The following SLC36A1 variants were observed in gnomAD, a reference collection of about 807,000 sequenced individuals.
SLC36A1 encodes the protein solute carrier family 36 member 1, also known as proton-coupled amino acid transporter 1.
SLC36A1 carries 30 observed loss-of-function variants against 47.5 expected under a neutral mutation model. The observed-to-expected ratio is 0.63, with a 90% CI of 0.47 to 0.86. The LOEUF is 0.86. Ranked by LOEUF, SLC36A1 falls within the 40% of genes least tolerant of loss-of-function variation. The probability of loss-of-function intolerance (pLI) is 0.00; values close to 1 mark genes in which losing one functional copy is unlikely to be tolerated. For synonymous variants in SLC36A1, 255 were observed against 249.7 expected (o/e 1.02, Z -0.20); for missense variants, 517 against 606.0 (o/e 0.85, Z 1.54).
chr5:151,524,301 G>A, the SLC36A1 span, among the ~76,000 whole-genome samples: 1 of 152,182 alleles, frequency 6.6e-6, no homozygotes, highest in Admixed American at 6.5e-5. Flanking sequence ...CTACTACCAA[G>A]TATTATTTTT....
At chr5:151,397,093 A>G in the SLC36A1 span, among the ~76,000 whole-genome samples, 1 of 152,222 alleles carries the variant, frequency 6.6e-6, no homozygotes, top group Non-Finnish European at 1.5e-5. Flanking sequence ...GGTAAAATTA[A>G]TAGCAATTAC....
upstream of SLC36A1, among the ~76,000 whole-genome samples, chr5:151,433,521 C>T (rs1327338775): frequency 6.6e-6 from 1 of 150,754 alleles, no homozygotes; most frequent in Non-Finnish European, 1.5e-5. Context: ...AAACTCCTGA[C>T]CTCAGGTGAT....
the SLC36A1 span, among the ~76,000 whole-genome samples, chr5:151,528,294 G>C: frequency 1.6e-4 from 24 of 152,252 alleles, no homozygotes; most frequent in African/African-American, 5.8e-4. Context: ...TTACATCCTC[G>C]TGTGGACTTC....
chr5:151,396,909 C>G, the SLC36A1 span, among the ~76,000 whole-genome samples: 1 of 152,190 alleles, frequency 6.6e-6, no homozygotes, highest in Non-Finnish European at 1.5e-5. Flanking sequence ...TTGGACCCAA[C>G]TCCCACTGAC....
chr5:151,401,250 TA>T, the SLC36A1 span, among the ~76,000 whole-genome samples: 681 of 152,318 alleles, frequency 4.5e-3, 7 homozygotes, highest in African/African-American at 0.016. Context: ...TCTAGCCAGT[TA>T]TCCCAGCACC....
the SLC36A1 span, among the ~76,000 whole-genome samples, chr5:151,391,147 G>A: frequency 6.6e-6 from 1 of 151,954 alleles, no homozygotes; most frequent in Non-Finnish European, 1.5e-5. Flanking sequence ...TGGATTCCTA[G>A]GTATTTTATT....
intron 2 of SLC36A1, 72 bp downstream of exon 2, chr5:151,459,007 C>T (rs1755124177): frequency 5.4e-6 from 8 of 1,488,632 alleles, no homozygotes; most frequent in Non-Finnish European, 7.2e-6. Context: ...CTTATTTTTC[C>T]CCCCAATTTC....
At chr5:151,526,030 G>T in the SLC36A1 span, 1 of 1,478,530 alleles carries the variant, frequency 6.8e-7, no homozygotes, top group Non-Finnish European at 9.3e-7. Context: ...TTTCGCACGT[G>T]TCTGGGTATG....
the SLC36A1 span, among the ~76,000 whole-genome samples, chr5:151,533,512 C>A: frequency 6.6e-6 from 1 of 151,858 alleles, no homozygotes; most frequent in Admixed American, 6.6e-5. Flanking sequence ...CCTCGAATAT[C>A]TCACCTCCTT....
chr5:151,367,076 A>T, the SLC36A1 span, among the ~76,000 whole-genome samples: 1 of 151,238 alleles, frequency 6.6e-6, no homozygotes, highest in Admixed American at 6.6e-5. Flanking sequence ...AGAACCACTG[A>T]TAAGGGTCCA....
At chr5:151,348,007 C>T in the SLC36A1 span, among the ~76,000 whole-genome samples, 4 of 152,146 alleles carry the variant, frequency 2.6e-5, no homozygotes, top group South Asian at 4.1e-4. Context: ...AATCCCTCTC[C>T]TTTTATTCAT....
the SLC36A1 span, chr5:151,542,437 G>A: frequency 2.5e-6 from 4 of 1,614,164 alleles, no homozygotes; most frequent in Admixed American, 1.7e-5. Flanking sequence ...ATTCTCATCT[G>A]TAATGGAGAC....
chr5:151,479,251 T>G, intron 9 of SLC36A1, 69 bp from the exon 10 acceptor site: 1 of 1,538,928 alleles, frequency 6.5e-7, no homozygotes, highest in Non-Finnish European at 8.9e-7. Flanking sequence ...ATGGGACCAT[T>G]TTGCACTCTT....
intron 2 of SLC36A1, among the ~76,000 whole-genome samples, chr5:151,460,416 A>G (rs1470550777): frequency 6.6e-6 from 1 of 152,192 alleles, no homozygotes; most frequent in Non-Finnish European, 1.5e-5. Context: ...GGACAAAATT[A>G]TGTCCTTGTT....
intron 1 of SLC36A1, among the ~76,000 whole-genome samples, chr5:151,457,631 T>C (rs1754759954): frequency 6.6e-6 from 1 of 152,134 alleles, no homozygotes; most frequent in Non-Finnish European, 1.5e-5. Context: ...TCCTCTGAGC[T>C]GCTTTCAGCT....
chr5:151,512,764 A>G, the SLC36A1 span: 2 of 676,800 alleles, frequency 3.0e-6, no homozygotes, highest in Admixed American at 2.9e-5. This position sits in a 1 kb window ranked among gnomAD's most constrained non-coding sequence, Gnocchi z 4.1. Context: ...AAAAACCCTC[A>G]AAGTGCTTTT....
the SLC36A1 span, among the ~76,000 whole-genome samples, chr5:151,351,574 C>T: frequency 6.6e-6 from 1 of 152,150 alleles, no homozygotes; most frequent in Non-Finnish European, 1.5e-5. Flanking sequence ...TCACTTGTTG[C>T]AGGTGTCAAC....
At chr5:151,553,453 G>C in the SLC36A1 span, 1 of 1,429,496 alleles carries the variant, frequency 7.0e-7, no homozygotes, top group Non-Finnish European at 9.7e-7. Flanking sequence ...AAGCAGCCAG[G>C]ACAGGAACCA....
chr5:151,393,057 A>C, the SLC36A1 span, among the ~76,000 whole-genome samples: 62 of 151,614 alleles, frequency 4.1e-4, no homozygotes, highest in African/African-American at 1.5e-3. Flanking sequence ...GTAGGTCTCT[A>C]AGGACTTGCT....
Sources: gnomAD v4.1 joint callset for allele counts (sites outside exome capture counted in the v4.1 genomes callset) on GRCh38, gnomAD v4.1.1 for gene constraint, Gnocchi (gnomAD v3.1) non-coding constraint, MANE v1.5 for transcripts, NCBI Gene and HGNC (gene_info 2026-07-23, HGNC 2026-07-21) for gene names.